TENT5D: variants seen among roughly 807,000 people sequenced by gnomAD.
TENT5D encodes terminal nucleotidyltransferase 5D.
For missense variants in TENT5D, 191 were observed against 287.0 expected, an observed-to-expected ratio of 0.67 and a Z score of 2.42; for synonymous variants, 103 against 100.6, an observed-to-expected ratio of 1.02 and a Z score of -0.15.
At chrX:80,421,083 C>A (rs1389137267) in intron 1 of TENT5D, among the ~76,000 whole-genome samples, 1 of 112,350 alleles carries the variant, frequency 8.9e-6, no homozygotes, top group African/African-American at 3.2e-5. Context: ...GGTAATCAAG[C>A]ATGTTTACAT....
At chrX:80,354,951 T>TC (rs1445317492) in intron 3 of TENT5D, among the ~76,000 whole-genome samples, 28 of 111,797 alleles carry the variant, frequency 2.5e-4, no homozygotes, top group African/African-American at 9.1e-4. Flanking sequence ...TTAGTTTTGT[T>TC]CCCGGATGCT....
intron 3 of TENT5D, among the ~76,000 whole-genome samples, chrX:80,354,849 G>T (rs1400441374): frequency 2.7e-5 from 3 of 112,137 alleles, no homozygotes; most frequent in Non-Finnish European, 5.6e-5. Flanking sequence ...TTCTTTTAAT[G>T]TTTGAAGTTG....
chrX:80,362,235 C>T (rs939634630), intron 3 of TENT5D, among the ~76,000 whole-genome samples: 3 of 110,941 alleles, frequency 2.7e-5, no homozygotes, highest in South Asian at 3.9e-4. Context: ...GCCATCTCAG[C>T]CCACTCCAAG....
chrX:80,358,936 G>A lies in TENT5D; in HGVS notation c.-142+16372G>A, dbSNP rs180761586. On this transcript the variant is annotated intron_variant, in intron 3 of 4. Transcript: ENST00000538312. ...GATTTGGATAGGTCAAGGGATGAAG[G>A]AAAGTATTGCCAGATAGGTAGAACA... 2.0e-4 allele frequency among the ~76,000 whole-genome samples: 22 copies of A among 111,867 alleles called. 1 individual carries two copies. The highest frequency in any genetic ancestry group is 4.7e-3 in the Middle Eastern group (1 of 215).
At chrX:80,414,088 C>A (rs1931722825) in intron 3 of TENT5D, among the ~76,000 whole-genome samples, 2 of 111,746 alleles carry the variant, frequency 1.8e-5, no homozygotes. Flanking sequence ...AACTCAAACT[C>A]TCCTTCCCTG....
intron 2 of TENT5D, among the ~76,000 whole-genome samples, chrX:80,442,052 GGAT>G (rs1932293786): frequency 2.7e-5 from 3 of 110,669 alleles, no homozygotes; most frequent in Admixed American, 9.7e-5. Flanking sequence ...GATGCTTTTG[GGAT>G]TAAAGATTAT....
intron 2 of TENT5D, among the ~76,000 whole-genome samples, chrX:80,339,777 A>G (rs777848006): frequency 1.1e-3 from 122 of 109,857 alleles, no homozygotes; most frequent in African/African-American, 3.8e-3. Context: ...CATGTTTACT[A>G]TTTCTCAAAG....
chrX:80,417,357 C>G (rs1361021345), upstream of TENT5D, among the ~76,000 whole-genome samples: 3 of 109,926 alleles, frequency 2.7e-5, no homozygotes, highest in Non-Finnish European at 5.7e-5. Context: ...ATAAGCTATT[C>G]ATTATGCAGA....
intron 2 of TENT5D, among the ~76,000 whole-genome samples, chrX:80,439,055 G>A (rs747746030): frequency 9.0e-6 from 1 of 111,346 alleles, no homozygotes; most frequent in South Asian, 3.7e-4. Context: ...TGGGAAAAAT[G>A]TTAGCTTAAA....
chrX:80,416,261 A>ATTTTTTT (rs57550532), upstream of TENT5D, among the ~76,000 whole-genome samples: 1 of 61,438 alleles, frequency 1.6e-5, no homozygotes. Flanking sequence ...GATATTTTGA[A>ATTTTTTT]TTTTTTTTTT....
At chrX:80,443,942 A>G (rs530486606) in exon 3 of TENT5D, 48 of 312,173 alleles carry the variant, frequency 1.5e-4, no homozygotes, top group African/African-American at 1.0e-3. Flanking sequence ...TTGACTAGCT[A>G]TAATAACTTT....
intron 1 of TENT5D, among the ~76,000 whole-genome samples, chrX:80,421,746 G>T (rs1295362512): frequency 8.9e-6 from 1 of 111,829 alleles, no homozygotes; most frequent in Non-Finnish European, 1.9e-5. Context: ...CTGAATATCT[G>T]TAGCCAAACT....
chrX:80,373,348 T>C (rs983648807), intron 3 of TENT5D, among the ~76,000 whole-genome samples: 1 of 111,493 alleles, frequency 9.0e-6, no homozygotes, highest in African/African-American at 3.3e-5. Context: ...TCTTTTTGGA[T>C]TATGATCTGC....
intron 3 of TENT5D, among the ~76,000 whole-genome samples, chrX:80,389,002 T>C (rs1931076386): frequency 9.0e-6 from 1 of 111,561 alleles, no homozygotes; most frequent in Non-Finnish European, 1.9e-5. Context: ...CTGGTGTTGA[T>C]TTCTGCTGTG....
At chrX:80,396,955 C>T (rs1437586369) in intron 3 of TENT5D, among the ~76,000 whole-genome samples, 2 of 46,512 alleles carry the variant, frequency 4.3e-5, no homozygotes, top group African/African-American at 8.0e-5. Flanking sequence ...CAGAGGGGCT[C>T]CTCACTTCCC....
At chrX:80,439,245 T>C (rs1932236312) in intron 2 of TENT5D, among the ~76,000 whole-genome samples, 2 of 111,660 alleles carry the variant, frequency 1.8e-5, no homozygotes, top group Non-Finnish European at 3.8e-5. Context: ...AATTTTAACT[T>C]ATGAAAATGT....
intron 1 of TENT5D, among the ~76,000 whole-genome samples, chrX:80,432,491 G>A (rs963252906): frequency 1.3e-4 from 14 of 111,956 alleles, no homozygotes; most frequent in African/African-American, 3.6e-4. Context: ...TTAACTGGCC[G>A]AAAGGAACCC....
intron 3 of TENT5D, among the ~76,000 whole-genome samples, chrX:80,403,384 C>G (rs965315091): frequency 1.8e-5 from 2 of 111,753 alleles, no homozygotes; most frequent in South Asian, 7.4e-4. Context: ...CTTCTTAAAC[C>G]AGCATTTTCT....
At chrX:80,427,889 C>T (rs1400991230) in intron 1 of TENT5D, among the ~76,000 whole-genome samples, 2 of 111,843 alleles carry the variant, frequency 1.8e-5, no homozygotes, top group African/African-American at 6.5e-5. Context: ...GCCTTTTATG[C>T]ATGCACCAAG....
Sources: allele counts gnomAD v4.1 joint callset (sites outside exome capture counted in the v4.1 genomes callset), GRCh38; gene constraint gnomAD v4.1.1; transcripts MANE v1.5; gene names NCBI Gene and HGNC (gene_info 2026-07-23, HGNC 2026-07-21).